Variants in HMBOX1 observed in about 807,000 individuals in gnomAD.
HMBOX1 encodes the protein homeobox containing 1.
HMBOX1 carries 14 observed loss-of-function variants against 54.5 expected under a neutral mutation model. That is an observed-to-expected ratio of 0.26 (90% confidence interval 0.17 to 0.40). The LOEUF (loss-of-function observed/expected upper bound fraction) is 0.40. Among genes scored for constraint, HMBOX1 ranks in the 10% least tolerant of loss-of-function variants. The pLI, the probability that HMBOX1 is intolerant of heterozygous loss-of-function variation, is 1.00. For missense variants in HMBOX1, 332 were observed against 514.4 expected (o/e 0.65, Z 3.43); for synonymous variants, 160 against 181.0 (o/e 0.88, Z 0.93).
At chr8:29,033,309 T>C (rs1452689420) in intron 6 of HMBOX1, among the ~76,000 whole-genome samples, 2 of 152,232 alleles carry the variant, frequency 1.3e-5, no homozygotes, top group Non-Finnish European at 2.9e-5. Context: ...TTTATACTCC[T>C]TATGGAATGA....
intron 5 of HMBOX1, chr8:29,010,308 C>T (rs1433520855): frequency 1.6e-5 from 5 of 308,896 alleles, no homozygotes; most frequent in Non-Finnish European, 2.4e-5. Context: ...GCCTGTAATC[C>T]CAACACTTTG....
At chr8:29,038,076 A>T (rs1804198676) in intron 6 of HMBOX1, among the ~76,000 whole-genome samples, 1 of 152,216 alleles carries the variant, frequency 6.6e-6, no homozygotes, top group African/African-American at 2.4e-5. Flanking sequence ...CCTTGCTTGG[A>T]GAGTCAGTCT....
chr8:28,982,667 C>T (rs952383601), intron 4 of HMBOX1, among the ~76,000 whole-genome samples: 3 of 151,576 alleles, frequency 2.0e-5, no homozygotes, highest in African/African-American at 7.3e-5. Flanking sequence ...GCTCTGTCGC[C>T]CAAGCTAGAG....
intron 3 of HMBOX1, among the ~76,000 whole-genome samples, chr8:28,979,066 G>A (rs1307105926): frequency 2.0e-5 from 3 of 152,174 alleles, no homozygotes; most frequent in African/African-American, 7.2e-5. Flanking sequence ...AAAAATAGGT[G>A]GCAGGCTAGA....
At chr8:29,026,690 G>A (rs931842402) in intron 6 of HMBOX1, among the ~76,000 whole-genome samples, 1 of 152,128 alleles carries the variant, frequency 6.6e-6, no homozygotes, top group African/African-American at 2.4e-5. Flanking sequence ...AGACCACAGA[G>A]CTAACAAGTG....
intron 1 of HMBOX1, among the ~76,000 whole-genome samples, chr8:28,960,753 C>CTTTTTTTTTTTTTTGTTTTTTT (rs1023356056): frequency 1.5e-5 from 1 of 65,648 alleles, no homozygotes. Flanking sequence ...TTCTCTTTTT[C>CTTTTTTTTTTTTTTGTTTTTTT]TTTTTCTTTT....
chr8:28,930,739 T>C (rs1479089108), intron 1 of HMBOX1, among the ~76,000 whole-genome samples: 1 of 152,216 alleles, frequency 6.6e-6, no homozygotes, highest in East Asian at 1.9e-4. Flanking sequence ...ATATCCTTTT[T>C]GAAATCTTAC....
chr8:29,046,743 G>A (rs1467480952), intron 7 of HMBOX1, among the ~76,000 whole-genome samples: 1 of 152,226 alleles, frequency 6.6e-6, no homozygotes, highest in Non-Finnish European at 1.5e-5. Context: ...TATTTTGGGA[G>A]GCCAAGGTGG....
chr8:28,896,714 T>TATC (rs1812187372), intron 1 of HMBOX1, among the ~76,000 whole-genome samples: 1 of 123,884 alleles, frequency 8.1e-6, no homozygotes, highest in Non-Finnish European at 2.0e-5. Context: ...TAACATGCTG[T>TATC]ACAGGTTTGT....
chr8:29,031,976 G>A (rs1803044775), intron 6 of HMBOX1, among the ~76,000 whole-genome samples: 1 of 152,204 alleles, frequency 6.6e-6, no homozygotes, highest in Admixed American at 6.5e-5. Context: ...AGTAGTGGGA[G>A]CACCATGTGC....
At chr8:28,976,382 G>A (rs980534034) in intron 3 of HMBOX1, among the ~76,000 whole-genome samples, 1 of 152,148 alleles carries the variant, frequency 6.6e-6, no homozygotes, top group Non-Finnish European at 1.5e-5. Flanking sequence ...CTTGTGAAGG[G>A]AGTATTGATG....
At chr8:28,917,641 G>A (rs867200820) in intron 1 of HMBOX1, among the ~76,000 whole-genome samples, 12 of 152,176 alleles carry the variant, frequency 7.9e-5, no homozygotes, top group South Asian at 6.2e-4. Context: ...TAAGGCAAAA[G>A]CATTTTATCT....
At chr8:28,899,177 A>C (rs1423362022) in intron 1 of HMBOX1, among the ~76,000 whole-genome samples, 1 of 152,352 alleles carries the variant, frequency 6.6e-6, no homozygotes, top group East Asian at 1.9e-4. Context: ...TTAAGGAAGG[A>C]GAATGAGAGG....
At chr8:28,962,327 G>T (rs1330539433) in intron 1 of HMBOX1, among the ~76,000 whole-genome samples, 1 of 152,062 alleles carries the variant, frequency 6.6e-6, no homozygotes. Context: ...ACATAAATTT[G>T]TATCAGTGAC....
chr8:28,957,249 TC>T (rs1474460425), intron 1 of HMBOX1, among the ~76,000 whole-genome samples: 2 of 152,340 alleles, frequency 1.3e-5, no homozygotes, highest in East Asian at 1.9e-4. Flanking sequence ...CAAAATCATG[TC>T]CTTTGCAGCA....
At chr8:28,930,591 T>TA (rs1354309546) in intron 1 of HMBOX1, among the ~76,000 whole-genome samples, 3 of 152,230 alleles carry the variant, frequency 2.0e-5, no homozygotes, top group African/African-American at 4.8e-5. Flanking sequence ...CCCTCACTGT[T>TA]ACCTTTACCA....
chr8:28,977,590 CCTTTTT>C (rs1405300197), intron 3 of HMBOX1, among the ~76,000 whole-genome samples: 1 of 152,086 alleles, frequency 6.6e-6, no homozygotes, highest in African/African-American at 2.4e-5. Context: ...TTTATTTGTA[CCTTTTT>C]CTTTTTCATA....
chr8:28,890,236 C>T (rs567196383), upstream of HMBOX1: 13 of 204,072 alleles, frequency 6.4e-5, no homozygotes, highest in East Asian at 1.6e-3. Context: ...GCTCCGACTC[C>T]CCTTTCCCTC....
intron 1 of HMBOX1, among the ~76,000 whole-genome samples, chr8:28,935,111 ATAAAT>A (rs1328402632): frequency 2.0e-5 from 3 of 152,212 alleles, no homozygotes; most frequent in African/African-American, 7.2e-5. Context: ...CACTGCTGAC[ATAAAT>A]TAAAGAAAAC....
Sources: gnomAD v4.1 joint callset for allele counts (sites outside exome capture counted in the v4.1 genomes callset) on GRCh38, gnomAD v4.1.1 for gene constraint, MANE v1.5 for transcripts, NCBI Gene and HGNC (gene_info 2026-07-23, HGNC 2026-07-21) for gene names.